Variants in PTPRT observed in about 807,000 individuals in gnomAD.
PTPRT encodes the protein receptor-type tyrosine-protein phosphatase T.
A neutral mutation model predicts 176.8 loss-of-function variants in PTPRT; 56 were observed. That is an observed-to-expected ratio of 0.32 (90% confidence interval 0.26 to 0.40). The LOEUF (loss-of-function observed/expected upper bound fraction) is 0.40, where lower values mean the gene tolerates loss of function less well. Among genes scored for constraint, PTPRT ranks in the 10% least tolerant of loss-of-function variants. The pLI, the probability that PTPRT is intolerant of heterozygous loss-of-function variation, is 1.00. For missense variants in PTPRT, 1,540 were observed against 1,908.2 expected (o/e 0.81, Z 3.60); for synonymous variants, 783 against 739.0 (o/e 1.06, Z -0.96).
intron 18 of PTPRT, among the ~76,000 whole-genome samples, chr20:42,129,650 G>T (rs1314226997): frequency 6.6e-6 from 1 of 152,192 alleles, no homozygotes. Flanking sequence ...ACGTATCATT[G>T]TGCAGTCACT....
At chr20:42,793,675 T>C (rs1331963796) in intron 2 of PTPRT, among the ~76,000 whole-genome samples, 1 of 152,128 alleles carries the variant, frequency 6.6e-6, no homozygotes, top group Non-Finnish European at 1.5e-5. Context: ...TATTGAATTA[T>C]CATAAACTCG....
At chr20:42,085,952 CT>C (rs200706584) in intron 27 of PTPRT, 99 bp from the exon 28 acceptor site, 73,562 of 1,014,066 alleles carry the variant, frequency 0.073, 5 homozygotes, top group South Asian at 0.083. Flanking sequence ...TTTTCTTTTT[CT>C]TTTTTTTTTT....
chr20:42,868,638 T>A (rs1191377058), intron 2 of PTPRT, among the ~76,000 whole-genome samples: 2 of 152,290 alleles, frequency 1.3e-5, no homozygotes, highest in East Asian at 3.9e-4. Context: ...ACCAACAGTG[T>A]GGCTGAGTCA....
intron 7 of PTPRT, among the ~76,000 whole-genome samples, chr20:42,588,468 A>G (rs1259060435): frequency 6.6e-6 from 1 of 151,962 alleles, no homozygotes; most frequent in Non-Finnish European, 1.5e-5. Flanking sequence ...AAATAAATCA[A>G]CCAACCAGAA....
intron 2 of PTPRT, among the ~76,000 whole-genome samples, chr20:42,875,300 G>A (rs987985715): frequency 1.3e-5 from 2 of 152,146 alleles, no homozygotes; most frequent in Admixed American, 1.3e-4. Context: ...ACCAACACTC[G>A]TCATTACTTG....
intron 9 of PTPRT, among the ~76,000 whole-genome samples, chr20:42,396,816 C>G (rs985551896): frequency 1.3e-5 from 2 of 152,188 alleles, no homozygotes; most frequent in Non-Finnish European, 2.9e-5. Flanking sequence ...CCTTGGCCCC[C>G]CAAAGTGCTG....
intron 1 of PTPRT, among the ~76,000 whole-genome samples, chr20:42,918,231 G>A (rs1292949019): frequency 6.6e-6 from 1 of 152,152 alleles, no homozygotes; most frequent in Non-Finnish European, 1.5e-5. Context: ...TCAGGGCAGA[G>A]CTGCTGTTGG....
intron 6 of PTPRT, among the ~76,000 whole-genome samples, chr20:42,729,822 C>A (rs1437236695): frequency 6.6e-6 from 1 of 150,590 alleles, no homozygotes; most frequent in Non-Finnish European, 1.5e-5. Flanking sequence ...GCTACCTCTT[C>A]TCTTCTCAAG....
At chr20:42,856,596 C>CA (rs1471217335) in intron 2 of PTPRT, among the ~76,000 whole-genome samples, 2 of 152,020 alleles carry the variant, frequency 1.3e-5, no homozygotes, top group Non-Finnish European at 2.9e-5. Flanking sequence ...ACAACACCCC[C>CA]AGGTTCCCCC....
intron 1 of PTPRT, among the ~76,000 whole-genome samples, chr20:42,894,075 G>C (rs1176953774): frequency 6.6e-6 from 1 of 151,310 alleles, no homozygotes; most frequent in Admixed American, 6.6e-5. Flanking sequence ...ATCACATGAA[G>C]GGCCAAAACA....
intron 6 of PTPRT, among the ~76,000 whole-genome samples, chr20:42,718,276 G>A (rs1318592420): frequency 6.6e-6 from 1 of 152,196 alleles, no homozygotes; most frequent in African/African-American, 2.4e-5. Context: ...GGTGGCTCAC[G>A]CCTGTAATCC....
chr20:43,000,398 G>GA (rs535101503), intron 1 of PTPRT, among the ~76,000 whole-genome samples: 20 of 149,626 alleles, frequency 1.3e-4, no homozygotes, highest in Middle Eastern at 3.4e-3. Context: ...CATCTGGGGT[G>GA]AAAAAAAAAG....
chr20:43,011,094 AG>A (rs1168173282), intron 1 of PTPRT, among the ~76,000 whole-genome samples: 1 of 152,210 alleles, frequency 6.6e-6, no homozygotes, highest in African/African-American at 2.4e-5. Context: ...AAAGCAAATT[AG>A]TACGCTGCAG....
intron 9 of PTPRT, among the ~76,000 whole-genome samples, chr20:42,398,503 T>C (rs2058873233): frequency 1.3e-5 from 2 of 152,280 alleles, no homozygotes; most frequent in East Asian, 1.9e-4. Context: ...CAAAATATTA[T>C]TTGAGATGTG....
intron 1 of PTPRT, among the ~76,000 whole-genome samples, chr20:43,042,679 G>A (rs3091800): frequency 0.3 from 44,374 of 146,024 alleles, 9,565 homozygotes; most frequent in African/African-American, 0.61. Context: ...CCTTGGACCT[G>A]GGTAGTGAGA....
chr20:42,979,794 A>T (rs921307296), intron 1 of PTPRT, among the ~76,000 whole-genome samples: 2 of 152,024 alleles, frequency 1.3e-5, no homozygotes, highest in Non-Finnish European at 2.9e-5. Context: ...TTTGGTCTAA[A>T]GGTGAATAAC....
intron 7 of PTPRT, among the ~76,000 whole-genome samples, chr20:42,481,031 T>C (rs2071375396): frequency 6.6e-6 from 1 of 152,072 alleles, no homozygotes; most frequent in African/African-American, 2.4e-5. Context: ...GTGAGCTTTT[T>C]TTTTTTTTTA....
intron 6 of PTPRT, among the ~76,000 whole-genome samples, chr20:42,694,679 T>C (rs1217187155): frequency 6.6e-6 from 1 of 152,244 alleles, no homozygotes; most frequent in African/African-American, 2.4e-5. Flanking sequence ...GTTCCTCACC[T>C]GTACTACTAT....
chr20:42,408,427 AT>A (rs1252886643), intron 9 of PTPRT, among the ~76,000 whole-genome samples: 5 of 152,086 alleles, frequency 3.3e-5, no homozygotes, highest in African/African-American at 4.8e-5. Context: ...ATTTAAAGAA[AT>A]TAGATTAATA....
Sources: allele counts gnomAD v4.1 joint callset (sites outside exome capture counted in the v4.1 genomes callset), GRCh38; gene constraint gnomAD v4.1.1; transcripts MANE v1.5; gene names NCBI Gene and HGNC (gene_info 2026-07-23, HGNC 2026-07-21).